Variants in CDH12 observed in about 807,000 individuals in gnomAD.
CDH12 encodes the protein cadherin 12.
In CDH12, 41 loss-of-function variants were observed where a neutral mutation model predicts 74.1. The ratio of observed to expected loss-of-function variants is 0.55; its 90% CI spans 0.43 to 0.72. The LOEUF (loss-of-function observed/expected upper bound fraction) is 0.72. Among genes scored for constraint, CDH12 ranks in the 30% least tolerant of loss-of-function variants. CDH12 has a pLI of 0.00. For missense variants in CDH12, 945 were observed against 977.2 expected (o/e 0.97, Z 0.44); for synonymous variants, 399 against 355.0 (o/e 1.12, Z -1.39).
At chr5:22,208,262 C>T (rs1265671063) in intron 4 of CDH12, among the ~76,000 whole-genome samples, 1 of 152,058 alleles carries the variant, frequency 6.6e-6, no homozygotes, top group Non-Finnish European at 1.5e-5. Flanking sequence ...ATTAACAGGA[C>T]TAAAACTACA....
intron 1 of CDH12, among the ~76,000 whole-genome samples, chr5:22,649,141 G>T (rs1373867989): frequency 6.6e-6 from 1 of 151,986 alleles, no homozygotes; most frequent in Non-Finnish European, 1.5e-5. Flanking sequence ...CTAAGGTCTT[G>T]GATGTGAAGT....
intron 1 of CDH12, among the ~76,000 whole-genome samples, chr5:22,552,857 TTA>T (rs1227712306): frequency 2.6e-5 from 4 of 152,114 alleles, no homozygotes; most frequent in African/African-American, 9.7e-5. Context: ...TGGGTATTAT[TTA>T]TATGAGAGAG....
At chr5:22,120,822 A>G (rs1054522237) in intron 4 of CDH12, among the ~76,000 whole-genome samples, 1 of 152,176 alleles carries the variant, frequency 6.6e-6, no homozygotes, top group African/African-American at 2.4e-5. Flanking sequence ...TATTCAATTT[A>G]TCATGTAACT....
At chr5:22,788,314 T>C (rs900445029) in intron 1 of CDH12, among the ~76,000 whole-genome samples, 9 of 152,096 alleles carry the variant, frequency 5.9e-5, no homozygotes, top group African/African-American at 1.9e-4. Flanking sequence ...TTTTATGCTG[T>C]AATTATTTTA....
chr5:22,375,686 G>GA (rs757959942), intron 3 of CDH12, among the ~76,000 whole-genome samples: 2 of 151,882 alleles, frequency 1.3e-5, no homozygotes, highest in Non-Finnish European at 2.9e-5. Context: ...ATAAGTATTT[G>GA]AAAAATGGTT....
chr5:22,259,065 T>C (rs1753421984), intron 3 of CDH12, among the ~76,000 whole-genome samples: 1 of 152,202 alleles, frequency 6.6e-6, no homozygotes, highest in African/African-American at 2.4e-5. Context: ...TTAATGTGTT[T>C]ATTTGGATAT....
At chr5:22,330,143 T>G (rs1256518544) in intron 3 of CDH12, among the ~76,000 whole-genome samples, 1 of 152,060 alleles carries the variant, frequency 6.6e-6, no homozygotes, top group Non-Finnish European at 1.5e-5. Flanking sequence ...AGGACTTTGT[T>G]TTGCATCATG....
At chr5:22,735,042 G>A (rs1744614736) in intron 1 of CDH12, among the ~76,000 whole-genome samples, 1 of 151,770 alleles carries the variant, frequency 6.6e-6, no homozygotes, top group Admixed American at 6.6e-5. Flanking sequence ...TGGACTTTAG[G>A]TCAGTTACAT....
chr5:22,349,820 C>A (rs1457788448), intron 3 of CDH12, among the ~76,000 whole-genome samples: 1 of 152,116 alleles, frequency 6.6e-6, no homozygotes. Flanking sequence ...CTGCAAGCTC[C>A]GCCTCCCGGG....
At chr5:22,337,936 T>C (rs1739663326) in intron 3 of CDH12, among the ~76,000 whole-genome samples, 1 of 152,144 alleles carries the variant, frequency 6.6e-6, no homozygotes, top group Non-Finnish European at 1.5e-5. Context: ...CTTGTGAGGG[T>C]GTGGAGGAAA....
chr5:22,408,194 C>G (rs184075582), intron 2 of CDH12, among the ~76,000 whole-genome samples: 10 of 143,076 alleles, frequency 7.0e-5, no homozygotes, highest in Admixed American at 6.7e-4. Flanking sequence ...CCACTTTTAT[C>G]TCTGTTTATA....
At chr5:22,256,933 T>C (rs1238812875) in intron 3 of CDH12, among the ~76,000 whole-genome samples, 1 of 152,028 alleles carries the variant, frequency 6.6e-6, no homozygotes, top group Non-Finnish European at 1.5e-5. Context: ...TAAATGACCA[T>C]CAATGATAGA....
chr5:22,702,368 T>C (rs1742758573), intron 1 of CDH12, among the ~76,000 whole-genome samples: 4 of 152,138 alleles, frequency 2.6e-5, no homozygotes, highest in Admixed American at 6.5e-5. Context: ...CAGATTCTGA[T>C]AATCTCTCAC....
chr5:22,379,424 C>T (rs1741667598), intron 3 of CDH12, among the ~76,000 whole-genome samples: 1 of 152,088 alleles, frequency 6.6e-6, no homozygotes, highest in African/African-American at 2.4e-5. Context: ...CTGGATCACC[C>T]AAGTCACGTT....
chr5:22,516,042 C>G (rs1361314947), intron 1 of CDH12, among the ~76,000 whole-genome samples: 2 of 152,058 alleles, frequency 1.3e-5, no homozygotes, highest in African/African-American at 4.8e-5. Flanking sequence ...ATAACATACA[C>G]ATGACTTAAA....
At chr5:22,734,545 T>C (rs1276674298) in intron 1 of CDH12, among the ~76,000 whole-genome samples, 4 of 151,948 alleles carry the variant, frequency 2.6e-5, no homozygotes, top group Admixed American at 6.6e-5. Context: ...GGAAGGGCTA[T>C]AGTTCAAGGG....
At chr5:22,487,104 G>C (rs779987953) in intron 2 of CDH12, among the ~76,000 whole-genome samples, 6 of 151,546 alleles carry the variant, frequency 4.0e-5, no homozygotes, top group African/African-American at 7.3e-5. Flanking sequence ...CTGGGTTCAA[G>C]CGATTCTCCT....
chr5:22,122,810 T>G (rs1374921892), intron 4 of CDH12, among the ~76,000 whole-genome samples: 1 of 152,238 alleles, frequency 6.6e-6, no homozygotes, highest in East Asian at 1.9e-4. Context: ...ATCTTTGAAC[T>G]GGGATATTGA....
intron 4 of CDH12, among the ~76,000 whole-genome samples, chr5:22,155,795 G>T (rs1169489158): frequency 6.6e-6 from 1 of 152,098 alleles, no homozygotes; most frequent in Non-Finnish European, 1.5e-5. Flanking sequence ...ATGTAAAAAA[G>T]ATTTACAGAC....
Sources: gnomAD v4.1 joint callset for allele counts (sites outside exome capture counted in the v4.1 genomes callset) on GRCh38, gnomAD v4.1.1 for gene constraint, MANE v1.5 for transcripts, NCBI Gene and HGNC (gene_info 2026-07-23, HGNC 2026-07-21) for gene names.